CSMD1: variants seen among roughly 807,000 people sequenced by gnomAD.
CSMD1 encodes CUB and Sushi multiple domains 1.
CSMD1 carries 213 observed loss-of-function variants against 417.5 expected under a neutral mutation model. That is an observed-to-expected ratio of 0.51 (90% CI 0.46 to 0.57). The LOEUF (loss-of-function observed/expected upper bound fraction) is 0.57. CSMD1 is among the 20% of genes least tolerant of loss of function. The pLI is 0.00. For missense variants in CSMD1, 6,923 were observed against 4,529.7 expected (o/e 1.53, Z -15.17); for synonymous variants, 2,862 against 1,736.8 (o/e 1.65, Z -16.11).
chr8:3,108,574 CT>C, intron 44 of CSMD1, 28 bp downstream of exon 44: 1 of 1,610,700 alleles, frequency 6.2e-7, no homozygotes, highest in East Asian at 2.2e-5. Flanking sequence ...AATTCTCAGT[CT>C]TAACTAACGG....
chr8:4,293,808 T>C (rs945511069), intron 3 of CSMD1, among the ~76,000 whole-genome samples: 1 of 152,224 alleles, frequency 6.6e-6, no homozygotes, highest in African/African-American at 2.4e-5. Flanking sequence ...AAAATGAACA[T>C]GCATTTCTAA....
intron 3 of CSMD1, among the ~76,000 whole-genome samples, chr8:4,378,878 C>G (rs940376710): frequency 3.9e-5 from 6 of 152,164 alleles, no homozygotes; most frequent in African/African-American, 7.2e-5. Flanking sequence ...AGCCCTTTCT[C>G]TAGTTGCTGA....
intron 3 of CSMD1, among the ~76,000 whole-genome samples, chr8:4,350,351 C>A (rs934092258): frequency 6.6e-6 from 1 of 152,072 alleles, no homozygotes; most frequent in African/African-American, 2.4e-5. Context: ...AACTGTGAAC[C>A]AAGAAATGGA....
At chr8:3,259,981 C>T (rs1347681745) in intron 26 of CSMD1, among the ~76,000 whole-genome samples, 6 of 152,184 alleles carry the variant, frequency 3.9e-5, no homozygotes, top group Non-Finnish European at 8.8e-5. Flanking sequence ...GCCTTGGAGA[C>T]CACAGGACCT....
chr8:4,260,165 G>A (rs2656286), intron 3 of CSMD1, among the ~76,000 whole-genome samples: 3 of 152,188 alleles, frequency 2.0e-5, no homozygotes, highest in Non-Finnish European at 4.4e-5. Context: ...CCCATCAGGT[G>A]GCATCCTTGC....
At chr8:3,887,104 A>G (rs1249619220) in intron 5 of CSMD1, among the ~76,000 whole-genome samples, 29 of 152,278 alleles carry the variant, frequency 1.9e-4, no homozygotes, top group Non-Finnish European at 8.8e-5. Context: ...TGAAAAGTAG[A>G]GGGTGGGACT....
At chr8:4,792,896 C>T (rs539621101) in intron 1 of CSMD1, among the ~76,000 whole-genome samples, 3 of 151,840 alleles carry the variant, frequency 2.0e-5, no homozygotes, top group East Asian at 3.9e-4. Context: ...TCTGCCAGCA[C>T]ATTTGAGTTC....
chr8:3,076,441 C>T (rs191881911), intron 49 of CSMD1, among the ~76,000 whole-genome samples: 1 of 152,346 alleles, frequency 6.6e-6, no homozygotes, highest in Admixed American at 6.5e-5. Context: ...GCAGTTAGGA[C>T]TCTAACGTAC....
At chr8:4,895,783 T>G (rs751372292) in intron 1 of CSMD1, among the ~76,000 whole-genome samples, 3 of 152,184 alleles carry the variant, frequency 2.0e-5, no homozygotes, top group Admixed American at 1.3e-4. Flanking sequence ...AAAGTAAATT[T>G]AAAATCAATA....
intron 2 of CSMD1, among the ~76,000 whole-genome samples, chr8:4,548,398 G>T (rs1013889982): frequency 4.6e-5 from 7 of 151,900 alleles, no homozygotes; most frequent in Non-Finnish European, 1.0e-4. Flanking sequence ...ATATTTAGAC[G>T]CATAGTCTAT....
At chr8:3,918,265 T>C (rs1434892381) in intron 5 of CSMD1, among the ~76,000 whole-genome samples, 1 of 152,042 alleles carries the variant, frequency 6.6e-6, no homozygotes, top group Non-Finnish European at 1.5e-5. Context: ...TGTTGTTGTT[T>C]TTAGCAGCCT....
At chr8:3,238,103 AGATACGGGTGGGGCC>A (rs889507040) in intron 26 of CSMD1, among the ~76,000 whole-genome samples, 15 of 152,006 alleles carry the variant, frequency 9.9e-5, no homozygotes, top group African/African-American at 3.4e-4. Context: ...CACCGAAGGG[AGATACGGGTGGGGCC>A]GTTTTATAAG....
chr8:4,275,945 A>G (rs940311014), intron 3 of CSMD1, among the ~76,000 whole-genome samples: 15 of 152,318 alleles, frequency 9.8e-5, no homozygotes, highest in Admixed American at 3.3e-4. Flanking sequence ...AAAGGAAACC[A>G]TGAATAGTTA....
chr8:4,809,779 A>G (rs1798790630), intron 1 of CSMD1, among the ~76,000 whole-genome samples: 1 of 152,224 alleles, frequency 6.6e-6, no homozygotes, highest in Non-Finnish European at 1.5e-5. Context: ...TACACTAAAT[A>G]TTTGAAATAT....
chr8:3,912,084 T>C (rs1563203412), intron 5 of CSMD1, among the ~76,000 whole-genome samples: 1 of 152,208 alleles, frequency 6.6e-6, no homozygotes, highest in Non-Finnish European at 1.5e-5. Context: ...TTTCAAACCC[T>C]AAATCAATAA....
chr8:4,056,360 G>C (rs1426086903), intron 3 of CSMD1, among the ~76,000 whole-genome samples: 3 of 151,134 alleles, frequency 2.0e-5, no homozygotes, highest in Non-Finnish European at 4.4e-5. Flanking sequence ...TGGGATTATA[G>C]GCATGAGCCA....
At position 3,181,091 on chromosome 8, in the gene CSMD1, C is replaced by G; in HGVS notation, c.5725+19G>C. 6.6e-7 allele frequency: 1 copy of G among 1,525,170 alleles called. No homozygotes were observed. Among genetic ancestry groups the G allele is most frequent in the Non-Finnish European group, 9.1e-7 (1 of 1,100,010 alleles). 94.5% of individuals were successfully genotyped at this position (1,525,170 alleles called of 1,614,324 possible). A position where few individuals can be genotyped will look rare whatever the true frequency, so the allele number is the denominator to read the frequency against. ...TCAGTATAACAGTGGAAGCTGTATA[C>G]AGAAAGAGTTGACCTTACTTTTGTA... On this transcript the variant is annotated intron_variant, in intron 37 of 69. Transcript: ENST00000635120.
At chr8:3,471,580 CTCCT>C (rs113536368) in intron 11 of CSMD1, among the ~76,000 whole-genome samples, 4 of 134,880 alleles carry the variant, frequency 3.0e-5, no homozygotes, top group Admixed American at 2.3e-4. Flanking sequence ...TTCTTCCTCT[CTCCT>C]TCCTTCCCTC....
chr8:4,546,975 G>A (rs551003196), intron 2 of CSMD1, among the ~76,000 whole-genome samples: 6 of 152,096 alleles, frequency 3.9e-5, no homozygotes, highest in African/African-American at 1.2e-4. Context: ...CATGAAGTAG[G>A]CATCACCCTG....
Sources: allele counts gnomAD v4.1 joint callset (sites outside exome capture counted in the v4.1 genomes callset), GRCh38; gene constraint gnomAD v4.1.1; transcripts MANE v1.5; gene names NCBI Gene and HGNC (gene_info 2026-07-23, HGNC 2026-07-21).